WDR70: variants seen among roughly 807,000 people sequenced by gnomAD.
WDR70 encodes WD repeat-containing protein 70.
WDR70 carries 53 observed loss-of-function variants against 88.6 expected under a neutral mutation model. The ratio of observed to expected loss-of-function variants is 0.60; its 90% CI spans 0.48 to 0.75. The LOEUF is 0.75. WDR70 is among the 30% of genes least tolerant of loss of function. The probability of loss-of-function intolerance (pLI) is 0.00; values close to 1 mark genes in which losing one functional copy is unlikely to be tolerated. For missense variants in WDR70, 610 were observed against 823.2 expected, an observed-to-expected ratio of 0.74 and a Z score of 3.17; for synonymous variants, 280 against 270.0, an observed-to-expected ratio of 1.04 and a Z score of -0.36.
intron 10 of WDR70, among the ~76,000 whole-genome samples, chr5:37,692,548 A>G (rs560613463): frequency 3.9e-5 from 6 of 152,354 alleles, no homozygotes; most frequent in Middle Eastern, 6.8e-3. Context: ...TTGGGATGCA[A>G]GGATAGTTTA....
In WDR70 at chr5:37,618,738, A is replaced by G. The variant is rs546945760; in HGVS notation, c.1092+13500A>G. ...GAGTTTGGATACTCTTCTGAGGTTA[A>G]TGAGAAACCATTACATGGATTTTAG... On this transcript the variant is annotated intron_variant, in intron 10 of 17. Coordinates refer to ENST00000265107, the MANE Select transcript of WDR70 (RefSeq NM_018034.4). 2.0e-5 allele frequency among the ~76,000 whole-genome samples: 3 copies of G among 152,312 alleles called. No homozygotes were observed. In the South Asian group the frequency reaches 6.2e-4, roughly 32 times the overall value.
Position 37,479,843 on chromosome 5 carries a change from C to A in WDR70, c.696C>A (p.Ile232=). ...RSLQPCECHQ[I]KSLQYSNTGD... ...TTTTCTTTTCGTACAGCCATCAGAT[C>A]AAGTCATTACAGTATAGTAACACAG... Residue 232 remains isoleucine (I), a synonymous_variant, in exon 8 of 18, where the codon ATC becomes ATA. Coordinates refer to ENST00000265107, the MANE Select transcript of WDR70 (RefSeq NM_018034.4). The A allele has an allele frequency of 1.2e-6, 2 of 1,611,448 alleles. No homozygotes were observed. Among genetic ancestry groups the A allele is most frequent in the South Asian group, 2.2e-5 (2 of 90,554 alleles).
At chr5:37,532,993 G>A (rs1741544299) in intron 9 of WDR70, among the ~76,000 whole-genome samples, 1 of 152,150 alleles carries the variant, frequency 6.6e-6, no homozygotes, top group South Asian at 2.1e-4. Flanking sequence ...CTAGGAATGA[G>A]GCTCCCTGAG....
At chr5:37,632,382 C>T (rs1006596138) in intron 10 of WDR70, among the ~76,000 whole-genome samples, 1 of 152,114 alleles carries the variant, frequency 6.6e-6, no homozygotes, top group African/African-American at 2.4e-5. Context: ...TCCTCAGGTT[C>T]TTCAGGAAAT....
Position 37,673,751 on chromosome 5 carries a change from C to T in WDR70, c.1093-23904C>T, listed in dbSNP as rs1419907293. On this transcript the variant is annotated intron_variant, in intron 10 of 17. Coordinates refer to ENST00000265107, the MANE Select transcript of WDR70 (RefSeq NM_018034.4). ...TCCAGTGTTCATTAGCTATTCTTCC[C>T]GATTCTCTCCCTTCACCCATGCCCC... Among the ~76,000 whole-genome samples, 8 of 151,938 alleles carry T rather than the reference C, an allele frequency of 5.3e-5. No individual in the cohort carries two copies. In the East Asian group the frequency reaches 7.7e-4, roughly 15 times the overall value.
chr5:37,711,108 G>T (rs10074395), intron 13 of WDR70, among the ~76,000 whole-genome samples: 4,121 of 152,138 alleles, frequency 0.027, 197 homozygotes, highest in African/African-American at 0.095. Context: ...TTAGGAGGAA[G>T]CTTCTAAGTT....
At chr5:37,385,943 A>G (rs1748599887) in intron 3 of WDR70, among the ~76,000 whole-genome samples, 1 of 150,920 alleles carries the variant, frequency 6.6e-6, no homozygotes, top group South Asian at 2.1e-4. Flanking sequence ...AGCTGGGACT[A>G]TAGGTACCGG....
chr5:37,576,764 CTTTTT>C (rs34306141), intron 9 of WDR70, among the ~76,000 whole-genome samples: 1 of 147,196 alleles, frequency 6.8e-6, no homozygotes, highest in African/African-American at 2.5e-5. Flanking sequence ...ATTTGGTAGT[CTTTTT>C]TTTTTTTTTC....
At chr5:37,589,721 C>G (rs568934527) in intron 9 of WDR70, among the ~76,000 whole-genome samples, 1 of 152,094 alleles carries the variant, frequency 6.6e-6, no homozygotes, top group East Asian at 1.9e-4. Flanking sequence ...GCTGGGATTA[C>G]AGGTCTCTGC....
chr5:37,637,066 G>T (rs568461148), intron 10 of WDR70, among the ~76,000 whole-genome samples: 1 of 152,200 alleles, frequency 6.6e-6, no homozygotes, highest in East Asian at 1.9e-4. Flanking sequence ...TTTAGGCCAG[G>T]CGTGGTAGCT....
At chr5:37,634,962 C>A (rs7736862) in intron 10 of WDR70, among the ~76,000 whole-genome samples, 16,054 of 151,896 alleles carry the variant, frequency 0.11, 2,721 homozygotes, top group African/African-American at 0.36. Context: ...GGCTTGTATC[C>A]ATGCCTATTA....
chr5:37,587,892 G>A (rs1743410657), intron 9 of WDR70, among the ~76,000 whole-genome samples: 1 of 150,558 alleles, frequency 6.6e-6, no homozygotes, highest in Non-Finnish European at 1.5e-5. Flanking sequence ...TGATTCTCGT[G>A]CCTCAGTCTC....
intron 9 of WDR70, among the ~76,000 whole-genome samples, chr5:37,528,921 T>TC (rs1370157035): frequency 6.7e-6 from 1 of 148,770 alleles, no homozygotes; most frequent in African/African-American, 2.4e-5. Flanking sequence ...TTTTTTTTTT[T>TC]TTGATGTTAT....
chr5:37,591,086 A>G (rs998621272), intron 9 of WDR70, among the ~76,000 whole-genome samples: 1 of 152,100 alleles, frequency 6.6e-6, no homozygotes, highest in Non-Finnish European at 1.5e-5. Context: ...CTGTAATTGC[A>G]CTCTGGGAGG....
At chr5:37,500,369 T>G (rs1476557128) in intron 8 of WDR70, among the ~76,000 whole-genome samples, 1 of 152,246 alleles carries the variant, frequency 6.6e-6, no homozygotes, top group African/African-American at 2.4e-5. Flanking sequence ...TACATACCTT[T>G]GCAATTGTGA....
chr5:37,663,242 C>T lies in WDR70; in HGVS notation c.1093-34413C>T, dbSNP rs1215516145. Among the ~76,000 whole-genome samples, 10 of 152,130 alleles carry T rather than the reference C, an allele frequency of 6.6e-5. No homozygotes were observed. In the East Asian group the frequency reaches 9.6e-4, roughly 15 times the overall value. ...AGTTAAAGTTGCATTATACTGACTGCGGTTTTGACTTTTGAGCCAAAAATG... is the reference window on the plus strand; with the variant it reads ...AGTTAAAGTTGCATTATACTGACTGTGGTTTTGACTTTTGAGCCAAAAATG... On this transcript the variant is annotated intron_variant, in intron 10 of 17. Transcript: ENST00000265107.
intron 10 of WDR70, among the ~76,000 whole-genome samples, chr5:37,630,277 G>T (rs1340833803): frequency 1.3e-5 from 2 of 152,184 alleles, no homozygotes; most frequent in Non-Finnish European, 1.5e-5. Flanking sequence ...AGGCATGTCT[G>T]CTGGGGATGG....
At chr5:37,589,708 G>A (rs188433891) in intron 9 of WDR70, among the ~76,000 whole-genome samples, 1 of 152,104 alleles carries the variant, frequency 6.6e-6, no homozygotes, top group Admixed American at 6.6e-5. Flanking sequence ...AGCCTCCCGA[G>A]TAGCTGGGAT....
intron 9 of WDR70, among the ~76,000 whole-genome samples, chr5:37,547,616 G>A (rs1477093814): frequency 1.3e-5 from 2 of 152,096 alleles, no homozygotes; most frequent in East Asian, 1.9e-4. Flanking sequence ...GTCACCTCAA[G>A]CATTTATCCT....
Sources: allele counts gnomAD v4.1 joint callset (sites outside exome capture counted in the v4.1 genomes callset), GRCh38; gene constraint gnomAD v4.1.1; transcripts MANE v1.5; gene names NCBI Gene and HGNC (gene_info 2026-07-23, HGNC 2026-07-21).